The following ZNF827 variants were observed in gnomAD, a reference collection of about 807,000 sequenced individuals.
ZNF827 encodes zinc finger protein 827.
In ZNF827, 13 loss-of-function variants were observed where a neutral mutation model predicts 102.4. The ratio of observed to expected loss-of-function variants is 0.13; its 90% CI spans 0.08 to 0.20. The LOEUF (loss-of-function observed/expected upper bound fraction) is 0.20, where lower values mean the gene tolerates loss of function less well. Among genes scored for constraint, ZNF827 ranks in the 10% least tolerant of loss-of-function variants. The pLI, the probability that ZNF827 is intolerant of heterozygous loss-of-function variation, is 1.00. For missense variants in ZNF827, 1,103 were observed against 1,344.4 expected (o/e 0.82, Z 2.81); for synonymous variants, 523 against 536.2 (o/e 0.98, Z 0.34).
At chr4:145,863,654 T>C (rs1320067144) in intron 5 of ZNF827, among the ~76,000 whole-genome samples, 1 of 151,374 alleles carries the variant, frequency 6.6e-6, no homozygotes, top group Non-Finnish European at 1.5e-5. Context: ...TATTGTATGA[T>C]TTCATTCATA....
chr4:145,801,195 T>C (rs1451977816), intron 8 of ZNF827, among the ~76,000 whole-genome samples: 1 of 152,222 alleles, frequency 6.6e-6, no homozygotes, highest in African/African-American at 2.4e-5. Flanking sequence ...TAGGATTCTT[T>C]TATAGAATCT....
At chr4:145,938,288 G>A (rs367646631) in intron 1 of ZNF827, 77 bp downstream of exon 1, 20 of 1,555,886 alleles carry the variant, frequency 1.3e-5, no homozygotes, top group Non-Finnish European at 1.8e-5. Context: ...GAAAACAACG[G>A]AGGAGGCTGC....
At chr4:145,775,141 C>T (rs1012968275) in intron 10 of ZNF827, among the ~76,000 whole-genome samples, 1 of 152,136 alleles carries the variant, frequency 6.6e-6, no homozygotes, top group Non-Finnish European at 1.5e-5. Flanking sequence ...TATGGCACTC[C>T]AAGCAAGAGG....
rs929756043 is a variant in ZNF827 at position 145,762,823 on chromosome 4, C to T, written c.*17+267G>A. Among the ~76,000 whole-genome samples, 8 of 152,226 alleles carry T rather than the reference C, an allele frequency of 5.3e-5. No individual in the cohort carries two copies. In the South Asian group the frequency reaches 1.7e-3, roughly 31 times the overall value. On this transcript the variant is annotated intron_variant, in intron 14 of 14. Transcript: ENST00000508784. This position sits in a 1 kb window ranked among gnomAD's most constrained non-coding sequence, Gnocchi z 4.9. ...GAACTGTAGTGTGTTTGCTCTCTTT[C>T]CACAAAGAATGCAGATGCAAAAGTG...
At chr4:145,892,172 T>C in intron 3 of ZNF827, 71 bp downstream of exon 3, 1 of 1,475,262 alleles carries the variant, frequency 6.8e-7, no homozygotes, top group Non-Finnish European at 9.1e-7. Context: ...AGAAGCCTCC[T>C]GCACCAGACC....
intron 1 of ZNF827, among the ~76,000 whole-genome samples, chr4:145,922,400 A>C (rs1329184834): frequency 6.6e-6 from 1 of 152,226 alleles, no homozygotes; most frequent in Non-Finnish European, 1.5e-5. Context: ...GGGTAAAACT[A>C]TTGGGACCTT....
chr4:145,869,369 T>A (rs1748486319), intron 5 of ZNF827, among the ~76,000 whole-genome samples: 1 of 152,240 alleles, frequency 6.6e-6, no homozygotes, highest in South Asian at 2.1e-4. Flanking sequence ...ATTTCTTGCT[T>A]TCATTCTCCA....
intron 1 of ZNF827, among the ~76,000 whole-genome samples, chr4:145,934,584 G>A (rs1433028767): frequency 6.6e-6 from 1 of 152,190 alleles, no homozygotes; most frequent in Non-Finnish European, 1.5e-5. Context: ...CAGGGGCTGA[G>A]GCTCACCCCA....
chr4:145,779,672 A>G (rs1407804922), intron 8 of ZNF827, among the ~76,000 whole-genome samples, 161 bp from the exon 9 acceptor site: 1 of 152,202 alleles, frequency 6.6e-6, no homozygotes, highest in Admixed American at 6.5e-5. Context: ...TCCTGTCTCT[A>G]AGAAGGCCGT....
At position 145,762,678 on chromosome 4, in the gene ZNF827, C is replaced by T. The variant is rs1232366230; in HGVS notation, c.*17+412G>A. Among the ~76,000 whole-genome samples, 6 of 152,274 alleles carry T rather than the reference C, an allele frequency of 3.9e-5. No homozygotes were observed. Among genetic ancestry groups the T allele is most frequent in the Admixed American group, 2.6e-4 (4 of 15,306 alleles). On this transcript the variant is annotated intron_variant, in intron 14 of 14. Coordinates refer to ENST00000508784, the MANE Select transcript of ZNF827 (RefSeq NM_001306215.2). The surrounding 1 kb of genome is among the most constrained non-coding windows in gnomAD (Gnocchi z 4.9). Reference sequence around the variant, plus strand: ...TTCTCCATCCTTTGCAGTGAGGCTACGCTACCACCAACCCTCCTGGCTGTC... The same window carrying T: ...TTCTCCATCCTTTGCAGTGAGGCTATGCTACCACCAACCCTCCTGGCTGTC...
At chr4:145,813,248 A>G (rs1453133896) in intron 8 of ZNF827, among the ~76,000 whole-genome samples, 2 of 152,168 alleles carry the variant, frequency 1.3e-5, no homozygotes, top group African/African-American at 4.8e-5. Flanking sequence ...TCATCTCATC[A>G]TGTAGACATT....
At chr4:145,788,210 T>C (rs1447197868) in intron 8 of ZNF827, among the ~76,000 whole-genome samples, 1 of 152,226 alleles carries the variant, frequency 6.6e-6, no homozygotes, top group African/African-American at 2.4e-5. Context: ...TACTTACTGA[T>C]TGATTTGTAT....
In ZNF827 at chr4:145,892,352, T is replaced by C. The variant is rs536406751; in HGVS notation, c.1157A>G (p.Lys386Arg). 13 of 1,614,218 alleles carry C rather than the reference T, an allele frequency of 8.1e-6. No individual in the cohort carries two copies. In the South Asian group the frequency reaches 1.4e-4, roughly 18 times the overall value. The change falls in exon 3 of 15, where the codon AAG becomes AGG. Residue 386 changes from lysine (K) to arginine (R), a missense_variant. By Grantham distance (26) the Lys-to-Arg change is conservative. Coordinates refer to ENST00000508784, the MANE Select transcript of ZNF827 (RefSeq NM_001306215.2). ...CACCATGTGCCGCTTCCAGTAACTC[T>C]TCCTTTTAATAACCAAACCACATAT... is the stretch of plus-strand genomic sequence containing the variant. ...CPICGLVIKR[K>R]SYWKRHMVIH...
At chr4:145,804,844 TGTCA>T (rs1402390708) in intron 8 of ZNF827, among the ~76,000 whole-genome samples, 1 of 152,222 alleles carries the variant, frequency 6.6e-6, no homozygotes, top group Non-Finnish European at 1.5e-5. Context: ...CTTTTTTGAT[TGTCA>T]GTATTATATT....
intron 7 of ZNF827, among the ~76,000 whole-genome samples, chr4:145,827,475 TG>T (rs1417315326): frequency 6.6e-6 from 1 of 152,224 alleles, no homozygotes; most frequent in Non-Finnish European, 1.5e-5. Context: ...GTACCACTCA[TG>T]GGCCTGGTCA....
intron 2 of ZNF827, among the ~76,000 whole-genome samples, chr4:145,898,703 C>T (rs1016796437): frequency 2.0e-5 from 3 of 152,100 alleles, no homozygotes; most frequent in East Asian, 1.9e-4. Context: ...TCTTGCAGGG[C>T]GGAAAGGCTA....
chr4:145,797,964 A>T (rs1161878484), intron 8 of ZNF827, among the ~76,000 whole-genome samples: 1 of 152,200 alleles, frequency 6.6e-6, no homozygotes, highest in African/African-American at 2.4e-5. Flanking sequence ...AATAATATGA[A>T]TTGCCAAATG....
intron 1 of ZNF827, among the ~76,000 whole-genome samples, chr4:145,925,862 G>A (rs1237478558): frequency 1.3e-5 from 2 of 152,080 alleles, no homozygotes; most frequent in African/African-American, 4.8e-5. Flanking sequence ...ACCCCCAACG[G>A]GTGGTTGAAC....
intron 1 of ZNF827, among the ~76,000 whole-genome samples, chr4:145,917,700 C>CAAAAAAGAAAA (rs1752756858): frequency 2.1e-5 from 1 of 46,856 alleles, no homozygotes; most frequent in Non-Finnish European, 4.0e-5. Context: ...GGTAGCTGGT[C>CAAAAAAGAAAA]AAAAAAAAAA....
Sources: gnomAD v4.1 joint callset for allele counts (sites outside exome capture counted in the v4.1 genomes callset) on GRCh38, gnomAD v4.1.1 for gene constraint, Gnocchi (gnomAD v3.1) non-coding constraint, MANE v1.5 for transcripts, NCBI Gene and HGNC (gene_info 2026-07-23, HGNC 2026-07-21) for gene names.